NPSR1: variants seen among roughly 807,000 people sequenced by gnomAD.
NPSR1 encodes the protein neuropeptide S receptor 1.
A neutral mutation model predicts 46.9 loss-of-function variants in NPSR1; 48 were observed. The observed-to-expected ratio is 1.02, with a 90% CI of 0.81 to 1.30. NPSR1 has a LOEUF of 1.30. Ranked by LOEUF, NPSR1 falls within the 50% of genes most tolerant of loss-of-function variation. The pLI is 0.00. For missense variants in NPSR1, 450 were observed against 449.5 expected (o/e 1.00, Z -0.01); for synonymous variants, 176 against 168.1 (o/e 1.05, Z -0.36).
chr7:34,820,499 CA>C (rs1789499802), intron 4 of NPSR1, among the ~76,000 whole-genome samples: 1 of 151,750 alleles, frequency 6.6e-6, no homozygotes, highest in Non-Finnish European at 1.5e-5. Context: ...CATAGGTATG[CA>C]AAAATGTGTC....
chr7:34,751,965 A>T, intron 2 of NPSR1: 1 of 1,045,856 alleles, frequency 9.6e-7, no homozygotes, highest in East Asian at 2.4e-5. Context: ...ACGTTTGCCC[A>T]GAGAAGTCTT....
chr7:34,721,000 A>G (rs1465966200), intron 2 of NPSR1, among the ~76,000 whole-genome samples: 5 of 152,218 alleles, frequency 3.3e-5, no homozygotes, highest in Non-Finnish European at 7.3e-5. Flanking sequence ...AAAATTATGT[A>G]TATGTAAATA....
At chr7:34,670,442 C>T (rs2609220) in intron 1 of NPSR1, among the ~76,000 whole-genome samples, 45,536 of 151,550 alleles carry the variant, frequency 0.3, 8,284 homozygotes, top group African/African-American at 0.52. Flanking sequence ...AGCTAGATTG[C>T]GGAACTAAAT....
intron 2 of NPSR1, among the ~76,000 whole-genome samples, chr7:34,747,696 T>G (rs531758075): frequency 6.6e-6 from 1 of 152,288 alleles, no homozygotes; most frequent in Non-Finnish European, 1.5e-5. Flanking sequence ...TTCTAAAGCT[T>G]AAAGATGACT....
At chr7:34,863,212 C>A (rs1312808609) in intron 8 of NPSR1, among the ~76,000 whole-genome samples, 1 of 151,810 alleles carries the variant, frequency 6.6e-6, no homozygotes, top group Non-Finnish European at 1.5e-5. Flanking sequence ...GTTCCTTATG[C>A]CTTATACAAA....
At chr7:34,864,206 A>C (rs1791254426) in intron 8 of NPSR1, among the ~76,000 whole-genome samples, 1 of 151,620 alleles carries the variant, frequency 6.6e-6, no homozygotes, top group Non-Finnish European at 1.5e-5. Flanking sequence ...GGAACATCAC[A>C]CACTGGAGCC....
In NPSR1 at chr7:34,664,169, C is replaced by A. The variant is rs117497829; in HGVS notation, c.147+5610C>A. Among the ~76,000 whole-genome samples, 893 of 152,350 alleles carry A rather than the reference C, an allele frequency of 5.9e-3. 9 individuals are homozygous for A. The highest frequency in any genetic ancestry group is 0.043 in the East Asian group (225 of 5,188). ...GGCTTTTGAGCTTTCTCCATCATTTCAATGAGGCAGTGTGGCTCAGAGAGC... is the reference window on the plus strand; with the variant it reads ...GGCTTTTGAGCTTTCTCCATCATTTAAATGAGGCAGTGTGGCTCAGAGAGC... On this transcript the variant is annotated intron_variant, in intron 1 of 8. Transcript: ENST00000360581.
At chr7:34,721,866 TAA>T (rs1783873840) in intron 2 of NPSR1, among the ~76,000 whole-genome samples, 1 of 152,152 alleles carries the variant, frequency 6.6e-6, no homozygotes, top group African/African-American at 2.4e-5. Context: ...GTCCTAAGAC[TAA>T]AGAAATAATG....
chr7:34,710,276 T>C (rs1280342438), intron 2 of NPSR1, among the ~76,000 whole-genome samples: 3 of 152,202 alleles, frequency 2.0e-5, no homozygotes, highest in African/African-American at 4.8e-5. Context: ...CCCAATTCTT[T>C]TGATCCTCAC....
At chr7:34,844,832 G>T in intron 6 of NPSR1, 64 bp from the exon 7 acceptor site, 1 of 1,019,114 alleles carries the variant, frequency 9.8e-7, no homozygotes, top group South Asian at 1.3e-5. Context: ...TGTTCCTATT[G>T]GCTGAAACAG....
intron 2 of NPSR1, among the ~76,000 whole-genome samples, chr7:34,688,228 G>A (rs1449472532): frequency 6.6e-6 from 1 of 152,088 alleles, no homozygotes; most frequent in African/African-American, 2.4e-5. Context: ...GAGGAAGAAG[G>A]CATTATCCCA....
intron 3 of NPSR1, among the ~76,000 whole-genome samples, chr7:34,805,871 A>T (rs868130490): frequency 5.3e-4 from 81 of 152,192 alleles, no homozygotes; most frequent in Middle Eastern, 3.4e-3. Flanking sequence ...AAAACGGCCA[A>T]AAGATCTGAA....
chr7:34,785,082 G>A (rs1488600347), intron 3 of NPSR1, among the ~76,000 whole-genome samples: 7 of 151,870 alleles, frequency 4.6e-5, no homozygotes, highest in South Asian at 4.2e-4. Context: ...ACATGCACAC[G>A]TATGTTTATT....
rs1407548635 is a variant in NPSR1 at position 34,773,171 on chromosome 7, C to A, written c.281-5291C>A. 3.3e-5 allele frequency among the ~76,000 whole-genome samples: 5 copies of A among 152,214 alleles called. No homozygotes were observed. The East Asian group carries it at 9.7e-4, about 29-fold the overall frequency. ...CTATGTATACTTCCTGTTAGGGACC[C>A]AACACCATGAAGTGGGCTCTGATTT... On this transcript the variant is annotated intron_variant, in intron 2 of 8. Coordinates refer to ENST00000360581, the MANE Select transcript of NPSR1 (RefSeq NM_207172.2).
chr7:34,872,749 A>G (rs1224725263), intron 8 of NPSR1, among the ~76,000 whole-genome samples: 3 of 151,732 alleles, frequency 2.0e-5, no homozygotes, highest in African/African-American at 4.9e-5. Flanking sequence ...CTTATTCACT[A>G]TCACAAGAAC....
At chr7:34,668,328 T>C (rs1791860867) in intron 1 of NPSR1, among the ~76,000 whole-genome samples, 1 of 152,250 alleles carries the variant, frequency 6.6e-6, no homozygotes, top group Non-Finnish European at 1.5e-5. Context: ...GAGCAACCCA[T>C]GCAGATAGAA....
chr7:34,876,342 GCAA>G (rs768072794), intron 8 of NPSR1, among the ~76,000 whole-genome samples: 2 of 152,196 alleles, frequency 1.3e-5, no homozygotes, highest in African/African-American at 2.4e-5. Flanking sequence ...TTCCTGGTCT[GCAA>G]CATGCAGATG....
At position 34,849,899 on chromosome 7, in the gene NPSR1, C is replaced by T. The variant is rs1790884670; in HGVS notation, c.*244C>T. 1 of 1,282,900 alleles carries T rather than the reference C, an allele frequency of 7.8e-7. No individual in the cohort carries two copies. The allele number at this position is 1,282,900 out of a possible 1,614,324, so 79.5% of individuals were successfully genotyped here. A position where few individuals can be genotyped will look rare whatever the true frequency, so the allele number is the denominator to read the frequency against. ...TCCTTCCCCACCATTCCCAGCCCTC[C>T]TTCCCACTGGCCAGCACCTGAACCC... is the stretch of plus-strand genomic sequence containing the variant. On this transcript the variant is annotated 3_prime_UTR_variant, in exon 9 of 9. Coordinates refer to ENST00000360581, the MANE Select transcript of NPSR1 (RefSeq NM_207172.2).
intron 8 of NPSR1, 98 bp from the exon 9 acceptor site, chr7:34,849,467 T>C (rs1790864814): frequency 6.2e-7 from 1 of 1,603,628 alleles, no homozygotes. Flanking sequence ...TGTCTGACAT[T>C]TAATACATTT....
Sources: allele counts gnomAD v4.1 joint callset (sites outside exome capture counted in the v4.1 genomes callset), GRCh38; gene constraint gnomAD v4.1.1; transcripts MANE v1.5; gene names NCBI Gene and HGNC (gene_info 2026-07-23, HGNC 2026-07-21).